Variants in TENM2 observed in about 807,000 individuals in gnomAD.
TENM2 encodes the protein teneurin transmembrane protein 2.
A neutral mutation model predicts 245.2 loss-of-function variants in TENM2; 52 were observed. That is an observed-to-expected ratio of 0.21 (90% CI 0.17 to 0.27). The LOEUF (loss-of-function observed/expected upper bound fraction) is 0.27, where lower values mean the gene tolerates loss of function less well. Ranked by LOEUF, TENM2 falls within the 10% of genes least tolerant of loss-of-function variation. The pLI, the probability that TENM2 is intolerant of heterozygous loss-of-function variation, is 1.00. For missense variants in TENM2, 3,046 were observed against 3,666.8 expected (o/e 0.83, Z 4.37); for synonymous variants, 1,363 against 1,438.9 (o/e 0.95, Z 1.19).
the TENM2 span, among the ~76,000 whole-genome samples, chr5:167,234,020 C>T: frequency 7.1e-6 from 1 of 141,290 alleles, no homozygotes. Flanking sequence ...AGATGCTTTC[C>T]ATCAAGCAAG....
chr5:168,126,795 G>C (rs776923958), exon 12 of TENM2: 3 of 1,612,968 alleles, frequency 1.9e-6, no homozygotes, highest in African/African-American at 1.3e-5. Flanking sequence ...CGTCTGCATC[G>C]GGGGAGCCTG....
chr5:167,161,592 A>G, the TENM2 span, among the ~76,000 whole-genome samples: 181 of 152,352 alleles, frequency 1.2e-3, no homozygotes, highest in African/African-American at 4.1e-3. Context: ...AATTGTTAAT[A>G]ACTTAGAACT....
intron 22 of TENM2, among the ~76,000 whole-genome samples, chr5:168,217,397 G>C (rs141491216): frequency 6.6e-6 from 1 of 152,310 alleles, no homozygotes; most frequent in South Asian, 2.1e-4. Flanking sequence ...AGTTTGGGCT[G>C]TTAGAGAGGC....
the TENM2 span, among the ~76,000 whole-genome samples, chr5:166,999,071 A>G: frequency 3.3e-5 from 5 of 151,370 alleles, no homozygotes; most frequent in Non-Finnish European, 5.9e-5. Context: ...GGAGTTTTCC[A>G]TAATAATTTT....
chr5:167,466,248 C>T (rs1407581057), intron 2 of TENM2, among the ~76,000 whole-genome samples: 1 of 152,190 alleles, frequency 6.6e-6, no homozygotes, highest in Non-Finnish European at 1.5e-5. Context: ...TCCTCCACTC[C>T]TTGCTCCTCT....
At chr5:167,420,805 G>A (rs1419573060) in intron 2 of TENM2, among the ~76,000 whole-genome samples, 1 of 152,030 alleles carries the variant, frequency 6.6e-6, no homozygotes, top group Non-Finnish European at 1.5e-5. Context: ...TGTCCCTACT[G>A]GAATATTAGT....
chr5:167,897,522 C>T (rs1775315076), intron 3 of TENM2, among the ~76,000 whole-genome samples: 1 of 152,204 alleles, frequency 6.6e-6, no homozygotes, highest in African/African-American at 2.4e-5. Context: ...TCTTGCTATA[C>T]ACCCTGGAGA....
the TENM2 span, among the ~76,000 whole-genome samples, chr5:167,254,169 G>A: frequency 1.3e-5 from 2 of 152,072 alleles, no homozygotes; most frequent in East Asian, 1.9e-4. Flanking sequence ...ACGGCCTTCC[G>A]AGCTTCCAAG....
chr5:167,635,543 T>C (rs1026137360), intron 2 of TENM2, among the ~76,000 whole-genome samples: 3 of 151,724 alleles, frequency 2.0e-5, no homozygotes, highest in Non-Finnish European at 2.9e-5. Context: ...CCAAACTCAA[T>C]AGCTGTATTG....
At chr5:167,876,125 T>C (rs1276379005) in exon 3 of TENM2, 1 of 1,551,430 alleles carries the variant, frequency 6.4e-7, no homozygotes, top group African/African-American at 1.4e-5. Context: ...ACACCAACCC[T>C]GATGAGGAAT....
At chr5:167,782,819 G>A (rs1020501824) in intron 2 of TENM2, among the ~76,000 whole-genome samples, 2 of 152,154 alleles carry the variant, frequency 1.3e-5, no homozygotes, top group African/African-American at 2.4e-5. Context: ...TGAACATTAT[G>A]GGAAGGCTGC....
chr5:167,467,659 A>G (rs1397021561), intron 2 of TENM2, among the ~76,000 whole-genome samples: 2 of 152,180 alleles, frequency 1.3e-5, no homozygotes, highest in Non-Finnish European at 2.9e-5. Context: ...TTACAGTGAA[A>G]ATAGGACTGG....
At chr5:167,359,543 C>T (rs565927634) in intron 1 of TENM2, among the ~76,000 whole-genome samples, 2 of 152,104 alleles carry the variant, frequency 1.3e-5, no homozygotes, top group East Asian at 1.9e-4. Flanking sequence ...TACCTACCAC[C>T]TTTTAAGATA....
intron 2 of TENM2, among the ~76,000 whole-genome samples, chr5:167,856,697 C>G (rs778524624): frequency 6.6e-6 from 1 of 152,146 alleles, no homozygotes; most frequent in Non-Finnish European, 1.5e-5. Flanking sequence ...CTTTTCCCCA[C>G]GGGGCTGTGA....
intron 2 of TENM2, among the ~76,000 whole-genome samples, chr5:167,662,511 C>T (rs1755281160): frequency 6.6e-6 from 1 of 152,142 alleles, no homozygotes; most frequent in Non-Finnish European, 1.5e-5. Flanking sequence ...GATCTACATC[C>T]ACCAAGGCAT....
the TENM2 span, among the ~76,000 whole-genome samples, chr5:166,983,967 T>C: frequency 1.2e-4 from 19 of 152,268 alleles, no homozygotes; most frequent in African/African-American, 4.6e-4. Flanking sequence ...ATTTCTGGAA[T>C]GTGATGCAGA....
intron 3 of TENM2, among the ~76,000 whole-genome samples, chr5:167,877,833 C>CT (rs933935191): frequency 6.6e-6 from 1 of 152,062 alleles, no homozygotes; most frequent in Non-Finnish European, 1.5e-5. Flanking sequence ...CTACAGAGCC[C>CT]TTTTTTTGCT....
chr5:167,802,831 T>C (rs1291983052), intron 2 of TENM2, among the ~76,000 whole-genome samples: 2 of 152,220 alleles, frequency 1.3e-5, no homozygotes, highest in African/African-American at 4.8e-5. Flanking sequence ...CAACTAATGA[T>C]GTCTGAACAA....
At chr5:166,991,948 A>G in the TENM2 span, among the ~76,000 whole-genome samples, 1 of 151,742 alleles carries the variant, frequency 6.6e-6, no homozygotes, top group African/African-American at 2.4e-5. Flanking sequence ...TTTAAAACTG[A>G]AAAAAAAATT....
Sources: gnomAD v4.1 joint callset for allele counts (sites outside exome capture counted in the v4.1 genomes callset) on GRCh38, gnomAD v4.1.1 for gene constraint, MANE v1.5 for transcripts, NCBI Gene and HGNC (gene_info 2026-07-23, HGNC 2026-07-21) for gene names.